GALNTL6: variants seen among roughly 807,000 people sequenced by gnomAD.
GALNTL6 encodes the protein polypeptide N-acetylgalactosaminyltransferase-like 6.
GALNTL6 carries 46 observed loss-of-function variants against 73.7 expected under a neutral mutation model. The observed-to-expected ratio is 0.62, with a 90% CI of 0.49 to 0.80. The LOEUF is 0.80. GALNTL6 is among the 30% of genes least tolerant of loss of function. GALNTL6 has a pLI of 0.00. For synonymous variants in GALNTL6, 259 were observed against 263.7 expected (o/e 0.98, Z 0.17); for missense variants, 604 against 755.0 (o/e 0.80, Z 2.34).
chr4:171,960,688 T>TGAA (rs745862164), intron 2 of GALNTL6, among the ~76,000 whole-genome samples: 25 of 129,494 alleles, frequency 1.9e-4, no homozygotes, highest in South Asian at 1.4e-3. Flanking sequence ...TGTCTTTATT[T>TGAA]AAAAAAAAAA....
intron 2 of GALNTL6, among the ~76,000 whole-genome samples, chr4:172,126,114 C>G (rs1186913418): frequency 6.6e-6 from 1 of 151,944 alleles, no homozygotes; most frequent in Non-Finnish European, 1.5e-5. Context: ...AGATAAGAAC[C>G]ATTTTATAAT....
At chr4:172,916,916 C>A (rs1218904846) in intron 8 of GALNTL6, among the ~76,000 whole-genome samples, 1 of 152,098 alleles carries the variant, frequency 6.6e-6, no homozygotes, top group African/African-American at 2.4e-5. Flanking sequence ...TCATATGGAA[C>A]CAAAAAAGAG....
chr4:171,873,422 A>AT (rs1372277440), intron 2 of GALNTL6, among the ~76,000 whole-genome samples: 1 of 152,216 alleles, frequency 6.6e-6, no homozygotes, highest in Non-Finnish European at 1.5e-5. Flanking sequence ...GTGTTTTGAG[A>AT]TTTTAATCCT....
At chr4:172,552,922 A>C (rs960030763) in intron 5 of GALNTL6, among the ~76,000 whole-genome samples, 1 of 149,654 alleles carries the variant, frequency 6.7e-6, no homozygotes, top group African/African-American at 2.5e-5. Flanking sequence ...ATTATTAAGT[A>C]CCTTTTCTCT....
At chr4:172,725,250 T>C (rs1735726956) in intron 5 of GALNTL6, among the ~76,000 whole-genome samples, 1 of 152,208 alleles carries the variant, frequency 6.6e-6, no homozygotes, top group Admixed American at 6.5e-5. Context: ...TAAACATTAA[T>C]AAAAGCAACT....
chr4:171,982,452 C>T lies in GALNTL6; in HGVS notation c.138+167734C>T, dbSNP rs769972295. Among the ~76,000 whole-genome samples, 5 of 152,170 alleles carry T rather than the reference C, an allele frequency of 3.3e-5. No homozygotes were observed. In the East Asian group the frequency reaches 5.8e-4, roughly 18 times the overall value. On this transcript the variant is annotated intron_variant, in intron 2 of 12. Transcript: ENST00000506823. ...AGCTGGGACTACAGGCGCCCGCCAC[C>T]ACGCCCGGCTGATTTTTTTGTATTT...
rs553183260 is a variant in GALNTL6 at position 171,903,963 on chromosome 4, G to A, written c.138+89245G>A. Among the ~76,000 whole-genome samples the A allele has an allele frequency of 2.0e-3, 297 of 152,170 alleles. 1 individual carries two copies. The highest frequency in any genetic ancestry group is 6.9e-3 in the African/African-American group (288 of 41,496). ...CTGTTAGAAGGAAAACTAACAAACA[G>A]AAAGGACATCCACACCAAAAACCCA... On this transcript the variant is annotated intron_variant, in intron 2 of 12. Coordinates refer to ENST00000506823, the MANE Select transcript of GALNTL6 (RefSeq NM_001034845.3).
chr4:172,852,031 C>G (rs1387906768), intron 7 of GALNTL6, among the ~76,000 whole-genome samples: 1 of 152,134 alleles, frequency 6.6e-6, no homozygotes, highest in Non-Finnish European at 1.5e-5. Context: ...AGGGAATACT[C>G]TAGTCCTAGC....
chr4:172,102,188 T>G (rs1732538189), intron 2 of GALNTL6, among the ~76,000 whole-genome samples: 1 of 152,182 alleles, frequency 6.6e-6, no homozygotes, highest in African/African-American at 2.4e-5. Context: ...CAGTGGAGAT[T>G]TACTAAATTT....
chr4:172,859,791 T>A (rs1744302074), intron 7 of GALNTL6, among the ~76,000 whole-genome samples: 1 of 152,160 alleles, frequency 6.6e-6, no homozygotes, highest in Non-Finnish European at 1.5e-5. Context: ...CAGCATTAGA[T>A]TCTCATAGGA....
chr4:172,855,476 G>C (rs1171832774), intron 7 of GALNTL6, among the ~76,000 whole-genome samples: 2 of 152,152 alleles, frequency 1.3e-5, no homozygotes, highest in African/African-American at 4.8e-5. Context: ...TAAAAGTTGT[G>C]AGAAGACTAC....
chr4:172,106,873 GT>G (rs1732688815), intron 2 of GALNTL6, among the ~76,000 whole-genome samples: 1 of 149,686 alleles, frequency 6.7e-6, no homozygotes, highest in Admixed American at 6.6e-5. Flanking sequence ...TTGTGTTTTT[GT>G]TTGTTTGTTT....
At chr4:171,947,302 C>T (rs10471197) in intron 2 of GALNTL6, among the ~76,000 whole-genome samples, 2,983 of 152,140 alleles carry the variant, frequency 0.02, 101 homozygotes, top group African/African-American at 0.068. Flanking sequence ...CACCTACTTG[C>T]ACCTGGCAGG....
In GALNTL6 at chr4:172,156,543, A is replaced by ATATATATATATATATATATATACATAC. The variant is rs1734279525; in HGVS notation, c.139-73091_139-73090insCATACTATATATATATATATATATATA. On this transcript the variant is annotated intron_variant, in intron 2 of 12. Transcript: ENST00000506823. The stretch of plus-strand genomic sequence containing the variant: ...CTTTAAATATACATATATATATAAT[A>ATATATATATATATATATATATACATAC]TATATATATATATATATATATATAC... Among the ~76,000 whole-genome samples, 35 of 19,358 alleles carry ATATATATATATATATATATATACATAC rather than the reference A, an allele frequency of 1.8e-3. 1 individual carries two copies. The South Asian group carries it at 0.029, about 16-fold the overall frequency. 12.7% of individuals were successfully genotyped at this position (19,358 alleles called of 152,430 possible).
At chr4:171,880,357 T>C (rs371856354) in intron 2 of GALNTL6, among the ~76,000 whole-genome samples, 4 of 152,336 alleles carry the variant, frequency 2.6e-5, no homozygotes, top group South Asian at 4.1e-4. Context: ...ATTAGGCGTG[T>C]GAAGTCTGAG....
Position 172,789,331 on chromosome 4 carries a change from C to T in GALNTL6, c.554-20030C>T, listed in dbSNP as rs144005314. On this transcript the variant is annotated intron_variant, in intron 5 of 12. Coordinates refer to ENST00000506823, the MANE Select transcript of GALNTL6 (RefSeq NM_001034845.3). ...TGTTATAAAGCAAGCTTGTCCAATC[C>T]GTGTCTCACATGTGGCTCAGGACAA... Among the ~76,000 whole-genome samples the T allele has an allele frequency of 7.2e-5, 11 of 152,254 alleles. No individual in the cohort carries two copies. The East Asian group carries it at 1.3e-3, about 19-fold the overall frequency.
intron 2 of GALNTL6, among the ~76,000 whole-genome samples, chr4:171,879,934 A>C (rs1736392637): frequency 6.6e-6 from 1 of 152,206 alleles, no homozygotes. Context: ...TTCATCCTGA[A>C]GAAATATTAA....
intron 2 of GALNTL6, among the ~76,000 whole-genome samples, chr4:171,832,282 T>C (rs980483553): frequency 6.7e-6 from 1 of 150,048 alleles, no homozygotes; most frequent in Non-Finnish European, 1.5e-5. Context: ...CTGATCTATA[T>C]ATGTTTTCAG....
chr4:172,230,706 G>T (rs1737032924), intron 3 of GALNTL6, among the ~76,000 whole-genome samples: 1 of 152,180 alleles, frequency 6.6e-6, no homozygotes, highest in African/African-American at 2.4e-5. Context: ...AGTAACTCAT[G>T]ATAGGAAGCC....
Sources: gnomAD v4.1 joint callset for allele counts (sites outside exome capture counted in the v4.1 genomes callset) on GRCh38, gnomAD v4.1.1 for gene constraint, MANE v1.5 for transcripts, NCBI Gene and HGNC (gene_info 2026-07-23, HGNC 2026-07-21) for gene names.